The following PALD1 variants were observed in gnomAD, a reference collection of about 807,000 sequenced individuals.
PALD1 encodes phosphatase domain containing paladin 1.
Under a neutral mutation model 96.0 loss-of-function variants are expected in PALD1, and 57 were observed. The observed-to-expected ratio is 0.59, with a 90% CI of 0.48 to 0.74. The LOEUF is 0.74. Among genes scored for constraint, PALD1 ranks in the 30% least tolerant of loss-of-function variants. PALD1 has a pLI of 0.00. For synonymous variants in PALD1, 464 were observed against 473.6 expected, an observed-to-expected ratio of 0.98 and a Z score of 0.26; for missense variants, 1,063 against 1,143.7, an observed-to-expected ratio of 0.93 and a Z score of 1.02.
At chr10:70,482,796 T>G (rs954399719) in intron 1 of PALD1, among the ~76,000 whole-genome samples, 1 of 152,144 alleles carries the variant, frequency 6.6e-6, no homozygotes, top group African/African-American at 2.4e-5. Context: ...AGCAACTCCC[T>G]TATGAGAATG....
intron 7 of PALD1, 36 bp from the exon 8 acceptor site, chr10:70,533,886 G>A (rs774472834): frequency 7.9e-6 from 12 of 1,516,126 alleles, no homozygotes; most frequent in Non-Finnish European, 1.1e-5. Context: ...GGGTTTCCTG[G>A]TCTCACTGGG....
chr10:70,537,725 A>G (rs1194432582), intron 10 of PALD1, 86 bp from the exon 11 acceptor site: 2 of 861,258 alleles, frequency 2.3e-6, no homozygotes, highest in Non-Finnish European at 3.9e-6. Context: ...GGGAGTTCCA[A>G]GGCTTAACTC....
chr10:70,561,238 T>A (rs1170482495), intron 18 of PALD1, among the ~76,000 whole-genome samples: 1 of 152,248 alleles, frequency 6.6e-6, no homozygotes, highest in Non-Finnish European at 1.5e-5. Context: ...GGTGCGGTCG[T>A]GTCCATGGCA....
chr10:70,534,190 T>G lies in PALD1; in HGVS notation c.1022+117T>G, dbSNP rs1847058613. The G allele has an allele frequency of 4.9e-6, 6 of 1,230,812 alleles. No individual in the cohort carries two copies. In the Admixed American group the frequency reaches 8.6e-5, roughly 18 times the overall value. The allele number at this position is 1,230,812 out of a possible 1,614,324, so 76.2% of individuals were successfully genotyped here. ...GAGCCAGAGCTGGAAATTTGGCATCTGGGGTTCATTTCCTGGTTTGCCACG... is the reference window on the plus strand; with the variant it reads ...GAGCCAGAGCTGGAAATTTGGCATCGGGGGTTCATTTCCTGGTTTGCCACG... On this transcript the variant is annotated intron_variant, in intron 8 of 19. Transcript: ENST00000263563.
At chr10:70,461,098 G>T in the PALD1 span, among the ~76,000 whole-genome samples, 1 of 152,184 alleles carries the variant, frequency 6.6e-6, no homozygotes, top group Admixed American at 6.5e-5. Context: ...ACCCCGGCCT[G>T]CGGGCCTCAG....
At position 70,529,348 on chromosome 10, in the gene PALD1, CCCTG is replaced by C; in HGVS notation, c.288+20_288+23del. ...CTGGTGCAAGTGAGCTCAGGCCTTA[CCCTG>C]CCAGCCCGCCTGCTGCCTCCCACCC... On this transcript the variant is annotated intron_variant, in intron 3 of 19. Transcript: ENST00000263563. 1 of 1,345,058 alleles carries C rather than the reference CCCTG, an allele frequency of 7.4e-7. No individual in the cohort carries two copies. Among genetic ancestry groups the C allele is most frequent in the Non-Finnish European group, 1.1e-6 (1 of 944,854 alleles). The allele number at this position is 1,345,058 out of a possible 1,614,324, so 83.3% of individuals were successfully genotyped here. A position where few individuals can be genotyped will look rare whatever the true frequency, so the allele number is the denominator to read the frequency against.
At chr10:70,473,895 C>T (rs983554420), upstream of PALD1, among the ~76,000 whole-genome samples, 6 of 141,570 alleles carry the variant, frequency 4.2e-5, no homozygotes, top group African/African-American at 8.9e-5. Flanking sequence ...TGATCCACCC[C>T]CCCCCCCTCA....
chr10:70,542,129 C>G (rs1282508834), intron 17 of PALD1, among the ~76,000 whole-genome samples: 1 of 152,222 alleles, frequency 6.6e-6, no homozygotes, highest in Non-Finnish European at 1.5e-5. Flanking sequence ...CCACTTGCCC[C>G]TCCCCTGCCC....
intron 18 of PALD1, among the ~76,000 whole-genome samples, chr10:70,547,889 T>C (rs938104747): frequency 7.9e-5 from 12 of 152,240 alleles, no homozygotes; most frequent in African/African-American, 2.6e-4. Context: ...GTTTCACAAC[T>C]AGCACGGAGG....
At position 70,563,687 on chromosome 10, in the gene PALD1, C is replaced by T. The variant is rs1217261336; in HGVS notation, c.2263-677C>T. Reference sequence around the variant, plus strand: ...GTACCCCTTTCACTTTTGGAAGTCACTTAGGGACCTTTGGGCTCAGAGGCC... The same window carrying T: ...GTACCCCTTTCACTTTTGGAAGTCATTTAGGGACCTTTGGGCTCAGAGGCC... On this transcript the variant is annotated intron_variant, in intron 18 of 19. Coordinates refer to ENST00000263563, the MANE Select transcript of PALD1 (RefSeq NM_014431.3). Among the ~76,000 whole-genome samples, 3 of 152,230 alleles carry T rather than the reference C, an allele frequency of 2.0e-5. No individual in the cohort carries two copies. In the East Asian group the frequency reaches 5.8e-4, roughly 29 times the overall value.
chr10:70,510,183 A>T (rs1283268901), intron 1 of PALD1, among the ~76,000 whole-genome samples: 3 of 152,222 alleles, frequency 2.0e-5, no homozygotes, highest in Non-Finnish European at 4.4e-5. Context: ...GGTGGGTGGG[A>T]TGGAGACAGA....
chr10:70,523,087 T>G (rs1359920706), intron 1 of PALD1, among the ~76,000 whole-genome samples: 1 of 152,180 alleles, frequency 6.6e-6, no homozygotes, highest in Middle Eastern at 3.2e-3. Flanking sequence ...AGGACATTGC[T>G]CTCCCACCCC....
intron 1 of PALD1, among the ~76,000 whole-genome samples, chr10:70,513,796 TAGAC>T (rs1846566650): frequency 1.3e-5 from 2 of 152,088 alleles, no homozygotes; most frequent in Admixed American, 6.5e-5. Context: ...TGAGATCCCA[TAGAC>T]AGAGCGGCAG....
intron 1 of PALD1, among the ~76,000 whole-genome samples, chr10:70,499,423 C>T (rs751001124): frequency 2.0e-5 from 3 of 152,180 alleles, no homozygotes; most frequent in African/African-American, 7.2e-5. Context: ...CTGGGCCAGG[C>T]GGGAGTGTCT....
chr10:70,473,053 C>T, the PALD1 span, among the ~76,000 whole-genome samples: 1 of 152,276 alleles, frequency 6.6e-6, no homozygotes, highest in Admixed American at 6.5e-5. Flanking sequence ...GTGGCAGAAA[C>T]CAAATGAAAA....
chr10:70,551,101 G>A (rs554675616), intron 18 of PALD1, among the ~76,000 whole-genome samples: 53 of 152,260 alleles, frequency 3.5e-4, no homozygotes, highest in African/African-American at 1.2e-3. Flanking sequence ...CCCAGCCCAC[G>A]CTCCTCCCCA....
chr10:70,487,969 A>G (rs1470810380), intron 1 of PALD1, among the ~76,000 whole-genome samples: 1 of 152,134 alleles, frequency 6.6e-6, no homozygotes, highest in Non-Finnish European at 1.5e-5. Flanking sequence ...GTGGACTCAT[A>G]TAACAGGTAG....
At chr10:70,528,934 C>CA (rs1031655111) in intron 2 of PALD1, among the ~76,000 whole-genome samples, 40 of 152,198 alleles carry the variant, frequency 2.6e-4, no homozygotes, top group African/African-American at 9.2e-4. Flanking sequence ...AATTTGCACG[C>CA]ACATCACTTT....
In PALD1 at chr10:70,531,424, G is replaced by A; in HGVS notation, c.603G>A (p.Val201=). The change falls in exon 5 of 20, where the codon GTG becomes GTA. Residue 201 remains valine, a synonymous_variant. Coordinates refer to ENST00000263563, the MANE Select transcript of PALD1 (RefSeq NM_014431.3). ...AGGGCCTTGGACCCGGGGTCCGGGT[G>A]GAGAGCCTGGAGCTGGCCATCCGGA... ...NLQGLGPGVR[V]ESLELAIRKE... 6.2e-7 allele frequency: 1 copy of A among 1,613,974 alleles called. No individual in the cohort carries two copies. Among genetic ancestry groups the A allele is most frequent in the South Asian group, 1.1e-5 (1 of 91,068 alleles).
Sources: allele counts gnomAD v4.1 joint callset (sites outside exome capture counted in the v4.1 genomes callset), GRCh38; gene constraint gnomAD v4.1.1; transcripts MANE v1.5; gene names NCBI Gene and HGNC (gene_info 2026-07-23, HGNC 2026-07-21).